HPSE2: variants seen among roughly 807,000 people sequenced by gnomAD.
The protein encoded by HPSE2 is heparanase 2 (inactive).
A neutral mutation model predicts 60.5 loss-of-function variants in HPSE2; 38 were observed. The observed-to-expected ratio is 0.63, with a 90% CI of 0.48 to 0.82. The LOEUF (loss-of-function observed/expected upper bound fraction) is 0.82, where lower values mean the gene tolerates loss of function less well. Among genes scored for constraint, HPSE2 ranks in the 40% least tolerant of loss-of-function variants. The probability of loss-of-function intolerance (pLI) is 0.00; values close to 1 mark genes in which losing one functional copy is unlikely to be tolerated. For synonymous variants in HPSE2, 295 were observed against 293.2 expected (o/e 1.01, Z -0.06); for missense variants, 713 against 740.4 (o/e 0.96, Z 0.43).
At chr10:99,166,087 T>C (rs997482144) in intron 2 of HPSE2, among the ~76,000 whole-genome samples, 1 of 152,196 alleles carries the variant, frequency 6.6e-6, no homozygotes, top group African/African-American at 2.4e-5. Context: ...TATGGCTTCT[T>C]TCACTTTGCA....
chr10:99,279,549 G>A, the HPSE2 span, among the ~76,000 whole-genome samples: 1 of 152,216 alleles, frequency 6.6e-6, no homozygotes, highest in African/African-American at 2.4e-5. Context: ...TGGTTCATCA[G>A]AATACCCGTG....
At chr10:98,906,731 C>T (rs1008061116) in intron 3 of HPSE2, among the ~76,000 whole-genome samples, 1 of 152,054 alleles carries the variant, frequency 6.6e-6, no homozygotes, top group Non-Finnish European at 1.5e-5. Context: ...TGGTTAAACC[C>T]CGTCTCTGCT....
Position 98,707,901 on chromosome 10 carries a change from T to C in HPSE2, c.956+13756A>G, listed in dbSNP as rs544765978. ...AACTGGAATAATGAAGGGGCATTTA[T>C]TGGATCTACCATATATTATCATGAA... On this transcript the variant is annotated intron_variant, in intron 5 of 11. Transcript: ENST00000370552. Among the ~76,000 whole-genome samples, 324 of 152,308 alleles carry C rather than the reference T, an allele frequency of 2.1e-3. 2 individuals carry two copies. The highest frequency in any genetic ancestry group is 3.8e-3 in the Non-Finnish European group (258 of 68,028).
At chr10:99,035,503 A>C (rs1957590410) in intron 3 of HPSE2, among the ~76,000 whole-genome samples, 1 of 152,186 alleles carries the variant, frequency 6.6e-6, no homozygotes, top group Non-Finnish European at 1.5e-5. Context: ...GTTTTCTTTT[A>C]ATAACTAGAA....
intron 6 of HPSE2, among the ~76,000 whole-genome samples, chr10:98,666,224 A>G (rs780489511): frequency 2.0e-5 from 3 of 152,236 alleles, no homozygotes; most frequent in Middle Eastern, 3.2e-3. Flanking sequence ...TTCAACAAGA[A>G]GCCCTAACTA....
the HPSE2 span, among the ~76,000 whole-genome samples, chr10:99,295,409 G>C: frequency 1.3e-5 from 2 of 152,174 alleles, no homozygotes; most frequent in African/African-American, 4.8e-5. Flanking sequence ...TTGGGTTTAT[G>C]AATTATGTAT....
intron 7 of HPSE2, 51 bp from the exon 8 acceptor site, chr10:98,620,759 C>T (rs1240161956): frequency 1.0e-5 from 12 of 1,194,442 alleles, no homozygotes; most frequent in African/African-American, 4.5e-5. Flanking sequence ...AAAAGCTATT[C>T]CCACATGAGA....
intron 3 of HPSE2, among the ~76,000 whole-genome samples, chr10:99,004,519 A>G (rs1404420491): frequency 1.3e-5 from 2 of 152,116 alleles, no homozygotes; most frequent in Admixed American, 1.3e-4. Flanking sequence ...TTGCATTAAA[A>G]AAAACTAAAC....
chr10:98,903,629 A>T (rs1462456250), intron 3 of HPSE2, among the ~76,000 whole-genome samples: 1 of 152,140 alleles, frequency 6.6e-6, no homozygotes, highest in East Asian at 1.9e-4. Flanking sequence ...TTTTCTTTTG[A>T]AATTATATTT....
chr10:98,485,022 T>C (rs555127125), intron 10 of HPSE2, among the ~76,000 whole-genome samples: 10 of 152,320 alleles, frequency 6.6e-5, no homozygotes, highest in South Asian at 2.1e-4. Flanking sequence ...TCATTCCTTA[T>C]AGAAATAACA....
chr10:98,845,452 A>C (rs1952012689), intron 3 of HPSE2, among the ~76,000 whole-genome samples: 10 of 152,228 alleles, frequency 6.6e-5, no homozygotes, highest in Admixed American at 6.5e-4. Flanking sequence ...CAAATCACAA[A>C]GTTTTTGGTT....
At chr10:98,652,565 A>C (rs768390712) in intron 6 of HPSE2, among the ~76,000 whole-genome samples, 7 of 152,240 alleles carry the variant, frequency 4.6e-5, no homozygotes, top group African/African-American at 1.7e-4. Flanking sequence ...ATCTCCCACT[A>C]TCTAGCACCT....
At chr10:98,971,355 A>G (rs894499593) in intron 3 of HPSE2, among the ~76,000 whole-genome samples, 48 of 152,030 alleles carry the variant, frequency 3.2e-4, no homozygotes, top group African/African-American at 1.2e-3. Context: ...AATTCTACTC[A>G]GTTAATGACA....
At chr10:98,842,027 C>T (rs1951926589) in intron 3 of HPSE2, among the ~76,000 whole-genome samples, 1 of 152,090 alleles carries the variant, frequency 6.6e-6, no homozygotes, top group Non-Finnish European at 1.5e-5. Flanking sequence ...AGGATGGTCT[C>T]GATCTCCTGA....
intron 3 of HPSE2, among the ~76,000 whole-genome samples, chr10:99,049,953 A>G (rs1957951003): frequency 6.6e-6 from 1 of 152,230 alleles, no homozygotes; most frequent in Admixed American, 6.5e-5. Context: ...ACATTTCACT[A>G]TATATAAATG....
intron 3 of HPSE2, among the ~76,000 whole-genome samples, chr10:99,068,080 G>C (rs1284474278): frequency 6.6e-6 from 1 of 152,042 alleles, no homozygotes; most frequent in Non-Finnish European, 1.5e-5. Flanking sequence ...CTCCATCTGA[G>C]ACCACCTCAG....
chr10:98,874,221 A>G (rs1952812596), intron 3 of HPSE2, among the ~76,000 whole-genome samples: 1 of 146,788 alleles, frequency 6.8e-6, no homozygotes, highest in Non-Finnish European at 1.5e-5. Flanking sequence ...ATTAGATCCT[A>G]TTTGTCAATT....
At chr10:98,838,569 C>A (rs1262523027) in intron 3 of HPSE2, among the ~76,000 whole-genome samples, 1 of 151,346 alleles carries the variant, frequency 6.6e-6, no homozygotes, top group Non-Finnish European at 1.5e-5. Context: ...TGATTACAGG[C>A]ATGCACCACC....
At chr10:99,112,946 C>T (rs1216303375) in intron 3 of HPSE2, among the ~76,000 whole-genome samples, 2 of 109,810 alleles carry the variant, frequency 1.8e-5, no homozygotes, top group Non-Finnish European at 4.7e-5. Context: ...AAGGCCTAGA[C>T]TCATACACAC....
Sources: gnomAD v4.1 joint callset for allele counts (sites outside exome capture counted in the v4.1 genomes callset) on GRCh38, gnomAD v4.1.1 for gene constraint, MANE v1.5 for transcripts, NCBI Gene and HGNC (gene_info 2026-07-23, HGNC 2026-07-21) for gene names.